Variants in XRCC4 observed in about 807,000 individuals in gnomAD.
The protein encoded by XRCC4 is X-ray repair cross complementing 4, also known as DNA repair protein XRCC4.
A neutral mutation model predicts 39.1 loss-of-function variants in XRCC4; 28 were observed. That is an observed-to-expected ratio of 0.72 (90% CI 0.53 to 0.98). The LOEUF (loss-of-function observed/expected upper bound fraction) is 0.98, where lower values mean the gene tolerates loss of function less well. Among genes scored for constraint, XRCC4 ranks in the 50% least tolerant of loss-of-function variants. XRCC4 has a pLI of 0.00. For synonymous variants in XRCC4, 123 were observed against 126.4 expected, an observed-to-expected ratio of 0.97 and a Z score of 0.18; for missense variants, 350 against 376.4, an observed-to-expected ratio of 0.93 and a Z score of 0.58.
chr5:83,116,034 T>C (rs1746693323), intron 3 of XRCC4, among the ~76,000 whole-genome samples: 1 of 152,170 alleles, frequency 6.6e-6, no homozygotes. Context: ...ATTCAGGATG[T>C]GCTTCTGCAG....
intron 7 of XRCC4, among the ~76,000 whole-genome samples, chr5:83,336,411 G>A (rs1198472137): frequency 6.6e-6 from 1 of 151,998 alleles, no homozygotes; most frequent in Non-Finnish European, 1.5e-5. Flanking sequence ...TATGCTTTCT[G>A]ATTTTTGAAA....
chr5:83,089,352 T>C (rs1368172648), intron 1 of XRCC4, among the ~76,000 whole-genome samples: 1 of 152,254 alleles, frequency 6.6e-6, no homozygotes, highest in African/African-American at 2.4e-5. Flanking sequence ...GGAGAAGAAC[T>C]GGCAGAGAAT....
At position 83,103,009 on chromosome 5, in the gene XRCC4, G is replaced by GAT. The variant is rs56183616; in HGVS notation, c.-10-1880_-10-1879dup. Among the ~76,000 whole-genome samples, 608 of 106,326 alleles carry GAT rather than the reference G, an allele frequency of 5.7e-3. 26 individuals are homozygous for GAT. The highest frequency in any genetic ancestry group is 0.023 in the Middle Eastern group (5 of 216). The allele number at this position is 106,326 out of a possible 152,430, so 69.8% of individuals were successfully genotyped here. A position where few individuals can be genotyped will look rare whatever the true frequency, so the allele number is the denominator to read the frequency against. On this transcript the variant is annotated intron_variant, in intron 1 of 7. Transcript: ENST00000396027. ...ATAGGGTTCCAGTAAAGATAGAGCT[G>GAT]ATATATATATATATATATATATGTC... is the stretch of plus-strand genomic sequence containing the variant.
intron 7 of XRCC4, among the ~76,000 whole-genome samples, chr5:83,298,827 T>C (rs1755180236): frequency 6.6e-6 from 1 of 152,020 alleles, no homozygotes; most frequent in Non-Finnish European, 1.5e-5. Flanking sequence ...TCTTCTGATT[T>C]GGAAGACATT....
chr5:83,170,835 T>G, intron 3 of XRCC4, among the ~76,000 whole-genome samples: 1 of 152,136 alleles, frequency 6.6e-6, no homozygotes, highest in East Asian at 1.9e-4. Context: ...AGGGGGATTA[T>G]ACGGGGCAGG....
rs538960915 is a variant in XRCC4 at position 83,345,400 on chromosome 5, C to CA, written c.894-7724dup. Among the ~76,000 whole-genome samples, 23 of 152,014 alleles carry CA rather than the reference C, an allele frequency of 1.5e-4. 1 individual carries two copies. The South Asian group carries it at 4.8e-3, about 32-fold the overall frequency. On this transcript the variant is annotated intron_variant, in intron 7 of 7. Transcript: ENST00000396027. The stretch of plus-strand genomic sequence containing the variant: ...TCATGCTTGTTTGACTTCTGACACA[C>CA]AAAAAAATTGAATTGTATATGTGTT...
At chr5:83,127,138 G>A (rs1351605301) in intron 3 of XRCC4, among the ~76,000 whole-genome samples, 2 of 152,060 alleles carry the variant, frequency 1.3e-5, no homozygotes, top group Non-Finnish European at 2.9e-5. Context: ...GACTTTTGGG[G>A]CTACTGGGAT....
intron 7 of XRCC4, among the ~76,000 whole-genome samples, chr5:83,295,719 C>T (rs113172684): frequency 4.5e-4 from 68 of 151,972 alleles, no homozygotes; most frequent in African/African-American, 1.5e-3. Context: ...CACACATGCA[C>T]GCACACGCAC....
downstream of XRCC4, chr5:83,356,714 T>G: frequency 2.2e-6 from 1 of 454,770 alleles, no homozygotes; most frequent in Non-Finnish European, 4.4e-6. Flanking sequence ...TCCTCACATT[T>G]TTTTAATTGT....
At chr5:83,222,449 G>A (rs1752121439) in intron 6 of XRCC4, among the ~76,000 whole-genome samples, 1 of 152,036 alleles carries the variant, frequency 6.6e-6, no homozygotes, top group Admixed American at 6.6e-5. Flanking sequence ...ATTGTAGTTT[G>A]GATAGTCAGC....
At chr5:83,249,279 C>T (rs1753222594) in intron 6 of XRCC4, among the ~76,000 whole-genome samples, 1 of 151,980 alleles carries the variant, frequency 6.6e-6, no homozygotes, top group South Asian at 2.1e-4. Flanking sequence ...GTTATTTGAC[C>T]ATTTGGTATA....
intron 3 of XRCC4, among the ~76,000 whole-genome samples, chr5:83,129,594 C>A (rs1037440763): frequency 1.6e-4 from 25 of 151,954 alleles, no homozygotes; most frequent in Non-Finnish European, 3.2e-4. Flanking sequence ...AATATTGATT[C>A]TTCCTATCCA....
chr5:83,258,869 G>T (rs1753652915), intron 7 of XRCC4, 192 bp downstream of exon 7: 1 of 749,694 alleles, frequency 1.3e-6, no homozygotes, highest in African/African-American at 1.9e-5. Context: ...ATTTAAAGCT[G>T]AAATGCTGAG....
intron 7 of XRCC4, among the ~76,000 whole-genome samples, chr5:83,312,719 C>T (rs1755747130): frequency 6.6e-6 from 1 of 152,026 alleles, no homozygotes; most frequent in Non-Finnish European, 1.5e-5. Context: ...TGGTAGAAGA[C>T]AGCTTATTGG....
chr5:83,123,645 T>A (rs1747118621), intron 3 of XRCC4, among the ~76,000 whole-genome samples: 2 of 152,076 alleles, frequency 1.3e-5, no homozygotes, highest in Non-Finnish European at 2.9e-5. Flanking sequence ...TTAAGTATTT[T>A]TTATTATTCT....
At chr5:83,368,635 C>T in the XRCC4 span, among the ~76,000 whole-genome samples, 5 of 152,282 alleles carry the variant, frequency 3.3e-5, no homozygotes, top group Admixed American at 2.6e-4. Flanking sequence ...GTTGGCTGTG[C>T]TCTGCTTACA....
In XRCC4 at chr5:83,163,568, G is replaced by C. The variant is rs138116273; in HGVS notation, c.316-32202G>C. Among the ~76,000 whole-genome samples, 481 of 152,248 alleles carry C rather than the reference G, an allele frequency of 3.2e-3. 2 individuals carry two copies. The highest frequency in any genetic ancestry group is 0.011 in the African/African-American group (459 of 41,556). On this transcript the variant is annotated intron_variant, in intron 3 of 7. Transcript: ENST00000396027. Reference sequence around the variant, plus strand: ...AATTCAGGGAGAAGACCACATGTAAGCATTTAAATCATAACAGATTCCTGG... The same window carrying C: ...AATTCAGGGAGAAGACCACATGTAACCATTTAAATCATAACAGATTCCTGG...
At chr5:83,138,529 T>C (rs1037123004) in intron 3 of XRCC4, among the ~76,000 whole-genome samples, 1 of 152,072 alleles carries the variant, frequency 6.6e-6, no homozygotes, top group African/African-American at 2.4e-5. Flanking sequence ...GGAAGTATAC[T>C]TACAAAGTAT....
intron 7 of XRCC4, among the ~76,000 whole-genome samples, chr5:83,337,760 T>C (rs1756636930): frequency 6.6e-6 from 1 of 152,200 alleles, no homozygotes; most frequent in South Asian, 2.1e-4. Flanking sequence ...TGGAGTGGTT[T>C]ATTACACAAC....
Sources: allele counts gnomAD v4.1 joint callset (sites outside exome capture counted in the v4.1 genomes callset), GRCh38; gene constraint gnomAD v4.1.1; transcripts MANE v1.5; gene names NCBI Gene and HGNC (gene_info 2026-07-23, HGNC 2026-07-21).